The following TENM3 variants were observed in gnomAD, a reference collection of about 807,000 sequenced individuals.
TENM3 encodes teneurin-3.
In TENM3, 63 loss-of-function variants were observed where a neutral mutation model predicts 255.1. The observed-to-expected ratio is 0.25, with a 90% CI of 0.20 to 0.30. The LOEUF is 0.30. TENM3 is among the 10% of genes least tolerant of loss of function. The pLI is 1.00. For synonymous variants in TENM3, 1,306 were observed against 1,322.3 expected, an observed-to-expected ratio of 0.99 and a Z score of 0.27; for missense variants, 2,929 against 3,461.1, an observed-to-expected ratio of 0.85 and a Z score of 3.86.
chr4:181,630,644 C>A, the TENM3 span, among the ~76,000 whole-genome samples: 1 of 152,078 alleles, frequency 6.6e-6, no homozygotes, highest in Non-Finnish European at 1.5e-5. Flanking sequence ...TGCAGTTGAG[C>A]GGTTTTGAGT....
At chr4:182,187,061 C>T (rs962597490) in intron 1 of TENM3, among the ~76,000 whole-genome samples, 1 of 150,876 alleles carries the variant, frequency 6.6e-6, no homozygotes, top group Admixed American at 6.6e-5. Flanking sequence ...CTTCCCTATT[C>T]TTTAAAAAGA....
chr4:182,251,843 A>G (rs749795684), intron 1 of TENM3, among the ~76,000 whole-genome samples: 13 of 152,314 alleles, frequency 8.5e-5, no homozygotes, highest in Non-Finnish European at 1.8e-4. Flanking sequence ...ACAGTGGGTT[A>G]CTTTATTCAT....
intron 3 of TENM3, among the ~76,000 whole-genome samples, chr4:182,545,659 TC>T (rs767500989): frequency 1.8e-4 from 28 of 152,006 alleles, no homozygotes; most frequent in Non-Finnish European, 3.8e-4. Context: ...CACAGTCAGT[TC>T]CCTCTTCCAG....
chr4:182,333,267 C>T (rs922627833), intron 2 of TENM3, among the ~76,000 whole-genome samples: 1 of 152,154 alleles, frequency 6.6e-6, no homozygotes, highest in African/African-American at 2.4e-5. Flanking sequence ...AGAAATCATA[C>T]ATAAATTGCT....
chr4:182,126,576 C>A, the TENM3 span, among the ~76,000 whole-genome samples: 1 of 152,126 alleles, frequency 6.6e-6, no homozygotes, highest in Non-Finnish European at 1.5e-5. Flanking sequence ...TATGTTTAGC[C>A]TCTAACGTGA....
intron 4 of TENM3, among the ~76,000 whole-genome samples, chr4:182,612,770 G>C (rs1581101110): frequency 6.6e-6 from 1 of 151,682 alleles, no homozygotes; most frequent in Non-Finnish European, 1.5e-5. Context: ...CACACACACA[G>C]TGGGAATTTT....
chr4:182,290,003 G>C (rs6850803), intron 1 of TENM3, among the ~76,000 whole-genome samples: 1 of 151,084 alleles, frequency 6.6e-6, no homozygotes, highest in African/African-American at 2.5e-5. Flanking sequence ...ACTCCCGCTC[G>C]TGCCCTACGG....
chr4:181,699,152 C>T, the TENM3 span, among the ~76,000 whole-genome samples: 1 of 152,010 alleles, frequency 6.6e-6, no homozygotes, highest in Admixed American at 6.5e-5. Flanking sequence ...ACTACAAGGC[C>T]AGGCATAGTG....
At chr4:181,715,916 G>C in the TENM3 span, among the ~76,000 whole-genome samples, 1 of 152,194 alleles carries the variant, frequency 6.6e-6, no homozygotes. Context: ...TACAGATGAT[G>C]CCTGACTCCA....
At chr4:182,779,351 T>G (rs1764981690) in intron 24 of TENM3, among the ~76,000 whole-genome samples, 1 of 152,146 alleles carries the variant, frequency 6.6e-6, no homozygotes, top group Non-Finnish European at 1.5e-5. Context: ...GAATGATGTT[T>G]TCCAATTTCA....
intron 19 of TENM3, chr4:182,744,049 A>T: frequency 2.6e-6 from 2 of 766,090 alleles, no homozygotes; most frequent in Non-Finnish European, 3.2e-6. Flanking sequence ...AAAATCTCAG[A>T]ATTCAACTCA....
chr4:181,520,665 A>G, the TENM3 span, among the ~76,000 whole-genome samples: 1 of 152,184 alleles, frequency 6.6e-6, no homozygotes, highest in Non-Finnish European at 1.5e-5. Context: ...GTGAAAAAAA[A>G]TCAATCCTGA....
At chr4:181,693,083 C>T in the TENM3 span, among the ~76,000 whole-genome samples, 2 of 152,094 alleles carry the variant, frequency 1.3e-5, no homozygotes, top group African/African-American at 2.4e-5. Context: ...TGCAGTTTTG[C>T]TACATGGATA....
chr4:182,035,270 T>C, the TENM3 span, among the ~76,000 whole-genome samples: 193 of 152,316 alleles, frequency 1.3e-3, no homozygotes, highest in African/African-American at 4.5e-3. Context: ...GACATGCCAG[T>C]GAAAGCATGG....
At chr4:182,734,557 A>T (rs1366896276) in intron 16 of TENM3, among the ~76,000 whole-genome samples, 1 of 152,214 alleles carries the variant, frequency 6.6e-6, no homozygotes, top group African/African-American at 2.4e-5. Flanking sequence ...CCTCGCAATC[A>T]CAATGGTAGT....
In TENM3 at chr4:182,802,922, T is replaced by C. The variant is rs996742700; in HGVS notation, c.*2571T>C. 8 of 152,684 alleles carry C rather than the reference T, an allele frequency of 5.2e-5. No homozygotes were observed. The highest frequency in any genetic ancestry group is 1.2e-4 in the Non-Finnish European group (8 of 68,040). The allele number at this position is 152,684 out of a possible 1,614,324, so 9.5% of individuals were successfully genotyped here. On this transcript the variant is annotated 3_prime_UTR_variant, in exon 28 of 28. Transcript: ENST00000511685. ...TGTAAATTTTGTCTGATTTGTATTG[T>C]TCTTTTCATTTGCCTTCTTAACTTT...
At chr4:181,471,525 A>G in the TENM3 span, among the ~76,000 whole-genome samples, 1 of 152,168 alleles carries the variant, frequency 6.6e-6, no homozygotes. Context: ...TAAGACAAAC[A>G]GAGAAAGAAA....
chr4:182,005,716 C>T, the TENM3 span, among the ~76,000 whole-genome samples: 1 of 152,214 alleles, frequency 6.6e-6, no homozygotes, highest in Middle Eastern at 3.4e-3. Context: ...GAATGTTTTT[C>T]CATATATTTG....
the TENM3 span, among the ~76,000 whole-genome samples, chr4:181,706,237 A>C: frequency 6.6e-6 from 1 of 152,050 alleles, no homozygotes; most frequent in African/African-American, 2.4e-5. Flanking sequence ...CACCAGTCAT[A>C]TTGGATTAAG....
Sources: allele counts gnomAD v4.1 joint callset (sites outside exome capture counted in the v4.1 genomes callset), GRCh38; gene constraint gnomAD v4.1.1; transcripts MANE v1.5; gene names NCBI Gene and HGNC (gene_info 2026-07-23, HGNC 2026-07-21).